Variants in TANGO2 observed in about 807,000 individuals in gnomAD.
The protein encoded by TANGO2 is transport and golgi organization 2 homolog, also known as transport and Golgi organization protein 2 homolog.
A neutral mutation model predicts 39.1 loss-of-function variants in TANGO2; 26 were observed. The ratio of observed to expected loss-of-function variants is 0.67; its 90% CI spans 0.49 to 0.92. TANGO2 has a LOEUF of 0.92. Ranked by LOEUF, TANGO2 falls within the 40% of genes least tolerant of loss-of-function variation. The pLI, the probability that TANGO2 is intolerant of heterozygous loss-of-function variation, is 0.00. For synonymous variants in TANGO2, 131 were observed against 144.5 expected, an observed-to-expected ratio of 0.91 and a Z score of 0.67; for missense variants, 326 against 360.1, an observed-to-expected ratio of 0.91 and a Z score of 0.77.
At chr22:20,021,332 CA>C (rs1373750433) in intron 1 of TANGO2, 86 bp downstream of exon 1, 3 of 152,280 alleles carry the variant, frequency 2.0e-5, no homozygotes, top group Admixed American at 6.5e-5. Context: ...GGGTCAGGGG[CA>C]ACCACGTCGA....
chr22:20,031,926 G>C (rs377690062), intron 1 of TANGO2, among the ~76,000 whole-genome samples: 12 of 152,212 alleles, frequency 7.9e-5, no homozygotes. Context: ...AGCATCCCAC[G>C]TGTGCCTGCT....
At chr22:20,030,108 A>G (rs1438875267) in intron 1 of TANGO2, among the ~76,000 whole-genome samples, 1 of 149,070 alleles carries the variant, frequency 6.7e-6, no homozygotes, top group East Asian at 2.0e-4. Flanking sequence ...CCCAGGGTGC[A>G]CCAGGACTCT....
At chr22:20,056,819 T>A (rs1383465303) in intron 6 of TANGO2, 1 of 456,560 alleles carries the variant, frequency 2.2e-6, no homozygotes, top group Non-Finnish European at 4.4e-6. Flanking sequence ...GCTCACTCAC[T>A]CCCACACTCG....
At chr22:20,040,888 C>G (rs371172817) in intron 2 of TANGO2, among the ~76,000 whole-genome samples, 1 of 152,212 alleles carries the variant, frequency 6.6e-6, no homozygotes, top group Non-Finnish European at 1.5e-5. Context: ...CCCCCTACCC[C>G]AGGCAGCACA....
intron 1 of TANGO2, among the ~76,000 whole-genome samples, chr22:20,029,690 A>G (rs1433834081): frequency 1.3e-5 from 2 of 152,192 alleles, no homozygotes; most frequent in Admixed American, 1.3e-4. Context: ...TTGCAGTCAC[A>G]TGGTGAGCTC....
Position 20,065,406 on chromosome 22 carries a change from A to G in TANGO2, c.*744A>G, listed in dbSNP as rs1378240193. The G allele has an allele frequency of 1.3e-5, 2 of 151,020 alleles. No homozygotes were observed. The highest frequency in any genetic ancestry group is 3.4e-3 in the Middle Eastern group (1 of 292). The allele number at this position is 151,020 out of a possible 1,614,324, so 9.4% of individuals were successfully genotyped here. On this transcript the variant is annotated 3_prime_UTR_variant, in exon 9 of 9. Coordinates refer to ENST00000327374, the MANE Select transcript of TANGO2 (RefSeq NM_152906.7). ...ACCCAGGCTGGAGTGCAGTGGCACG[A>G]TCTCGGCTCACTGCAACCTCCGCCT...
At chr22:20,035,674 G>A (rs906761038) in intron 1 of TANGO2, among the ~76,000 whole-genome samples, 2 of 152,206 alleles carry the variant, frequency 1.3e-5, no homozygotes, top group Admixed American at 6.5e-5. Flanking sequence ...GTGGGATGGC[G>A]AGTGTGTGTG....
intron 3 of TANGO2, among the ~76,000 whole-genome samples, chr22:20,047,224 G>GTTTTTTTTTT (rs1241057513): frequency 6.9e-6 from 1 of 145,744 alleles, no homozygotes; most frequent in African/African-American, 2.5e-5. Flanking sequence ...CAGTTTTTTG[G>GTTTTTTTTTT]TTTGTTTGTT....
At chr22:20,037,426 G>A (rs768092512) in intron 2 of TANGO2, among the ~76,000 whole-genome samples, 8 of 152,170 alleles carry the variant, frequency 5.3e-5, no homozygotes, top group South Asian at 2.1e-4. Flanking sequence ...CACAGAGAAC[G>A]AGGCAGAGAT....
chr22:20,022,621 G>A (rs1204308890), intron 1 of TANGO2, among the ~76,000 whole-genome samples: 2 of 152,256 alleles, frequency 1.3e-5, no homozygotes, highest in African/African-American at 4.8e-5. Context: ...CTTGTGGGCT[G>A]TCATTCTGAT....
chr22:20,055,758 C>G, intron 5 of TANGO2, 185 bp from the exon 6 acceptor site: 1 of 629,376 alleles, frequency 1.6e-6, no homozygotes, highest in Admixed American at 2.4e-5. Flanking sequence ...TGGACAAGAG[C>G]TGGGGCCTCC....
chr22:20,022,807 G>A (rs2039971979), intron 1 of TANGO2, among the ~76,000 whole-genome samples: 1 of 152,250 alleles, frequency 6.6e-6, no homozygotes, highest in Non-Finnish European at 1.5e-5. Context: ...GGGGTCTGGA[G>A]AGAAATGGCC....
chr22:20,023,548 C>T (rs2146673509), intron 1 of TANGO2, among the ~76,000 whole-genome samples: 1 of 152,252 alleles, frequency 6.6e-6, no homozygotes, highest in South Asian at 2.1e-4. Flanking sequence ...GGAGAGAGTA[C>T]CACTGTAGAA....
At position 20,065,043 on chromosome 22, in the gene TANGO2, G is replaced by A. The variant is rs442277; in HGVS notation, c.*381G>A. On this transcript the variant is annotated 3_prime_UTR_variant, in exon 9 of 9. Transcript: ENST00000327374. ...TGGACACCGACACAGGCACATGTACGTGCACAGGTGTGCTACACATGTGCA... is the reference window on the plus strand; with the variant it reads ...TGGACACCGACACAGGCACATGTACATGCACAGGTGTGCTACACATGTGCA... The A allele has an allele frequency of 0.43, 100,827 of 233,108 alleles. 22,945 individuals are homozygous for A. The highest frequency in any genetic ancestry group is 0.72 in the East Asian group (6,946 of 9,594). The allele number at this position is 233,108 out of a possible 1,614,324, so 14.4% of individuals were successfully genotyped here.
chr22:20,033,329 C>T, intron 1 of TANGO2: 1 of 418,970 alleles, frequency 2.4e-6, no homozygotes. Context: ...TGGAGCCCTC[C>T]CTGCCACTGG....
At chr22:20,027,506 C>A (rs573108646) in intron 1 of TANGO2, among the ~76,000 whole-genome samples, 1 of 152,316 alleles carries the variant, frequency 6.6e-6, no homozygotes, top group Admixed American at 6.5e-5. Flanking sequence ...AGCAATGGGA[C>A]CCTAGCGTGT....
rs560208564 is a variant in TANGO2 at position 20,047,536 on chromosome 22, G to A, written c.145+4093G>A. The stretch of plus-strand genomic sequence containing the variant: ...AGGCGTGAGCCACCTCACCCAGCCC[G>A]GGGATCAGATTTTAACATGAGGTCT... On this transcript the variant is annotated intron_variant, in intron 3 of 8. Coordinates refer to ENST00000327374, the MANE Select transcript of TANGO2 (RefSeq NM_152906.7). Among the ~76,000 whole-genome samples the A allele has an allele frequency of 1.6e-3, 238 of 152,164 alleles. 2 individuals are homozygous for A. Among genetic ancestry groups the A allele is most frequent in the African/African-American group, 5.3e-3 (222 of 41,542 alleles).
Position 20,065,502 on chromosome 22 carries a change from C to T in TANGO2, c.*840C>T, listed in dbSNP as rs1019623911. The T allele has an allele frequency of 6.6e-6, 1 of 152,216 alleles. No homozygotes were observed. The allele number at this position is 152,216 out of a possible 1,614,324, so 9.4% of individuals were successfully genotyped here. ...GATTACAGGCGTGTGCCACCATGCC[C>T]AGCTAATTTTTGTGTTTTTAGTAGA... On this transcript the variant is annotated 3_prime_UTR_variant, in exon 9 of 9. Transcript: ENST00000327374.
At chr22:20,020,974 A>G (rs1186580362), upstream of TANGO2, 1 of 151,982 alleles carries the variant, frequency 6.6e-6, no homozygotes, top group Non-Finnish European at 1.5e-5. Context: ...CCTCCGAGCG[A>G]CAGCGCGCCC....
Sources: gnomAD v4.1 joint callset for allele counts (sites outside exome capture counted in the v4.1 genomes callset) on GRCh38, gnomAD v4.1.1 for gene constraint, MANE v1.5 for transcripts, NCBI Gene and HGNC (gene_info 2026-07-23, HGNC 2026-07-21) for gene names.